UGT8: variants seen among roughly 807,000 people sequenced by gnomAD.
UGT8 encodes the protein 2-hydroxyacylsphingosine 1-beta-galactosyltransferase.
In UGT8, 12 loss-of-function variants were observed where a neutral mutation model predicts 40.5. That is an observed-to-expected ratio of 0.30 (90% CI 0.19 to 0.48). The LOEUF is 0.48. Among genes scored for constraint, UGT8 ranks in the 20% least tolerant of loss-of-function variants. UGT8 has a pLI of 0.99. For missense variants in UGT8, 513 were observed against 648.7 expected, an observed-to-expected ratio of 0.79 and a Z score of 2.27; for synonymous variants, 224 against 240.4, an observed-to-expected ratio of 0.93 and a Z score of 0.63.
intron 2 of UGT8, among the ~76,000 whole-genome samples, chr4:114,654,428 C>T (rs1274614515): frequency 6.6e-6 from 1 of 151,962 alleles, no homozygotes; most frequent in African/African-American, 2.4e-5. Context: ...ACCCTAGTAA[C>T]GTTTAAGCAA....
chr4:114,671,755 C>T (rs1454988751), intron 5 of UGT8, among the ~76,000 whole-genome samples: 1 of 152,206 alleles, frequency 6.6e-6, no homozygotes, highest in African/African-American at 2.4e-5. Context: ...CCATTCAGGA[C>T]ATAGGCATGG....
At chr4:114,642,261 A>T (rs1733272434) in intron 2 of UGT8, among the ~76,000 whole-genome samples, 1 of 151,712 alleles carries the variant, frequency 6.6e-6, no homozygotes, top group Non-Finnish European at 1.5e-5. Flanking sequence ...GGACTTTCTG[A>T]GTCTTCTGTT....
At chr4:114,654,925 C>A (rs561831770) in intron 2 of UGT8, among the ~76,000 whole-genome samples, 1 of 152,066 alleles carries the variant, frequency 6.6e-6, no homozygotes, top group Admixed American at 6.6e-5. Flanking sequence ...TGGGAACATA[C>A]AGTCTGCCAC....
At chr4:114,663,971 T>G in intron 2 of UGT8, 24 bp from the exon 3 acceptor site, 1 of 1,613,064 alleles carries the variant, frequency 6.2e-7, no homozygotes, top group Non-Finnish European at 8.5e-7. Flanking sequence ...TTCGTAAAAC[T>G]TACTGCCATG....
At chr4:114,609,677 TG>T (rs1419805360) in intron 1 of UGT8, among the ~76,000 whole-genome samples, 2 of 152,134 alleles carry the variant, frequency 1.3e-5, no homozygotes, top group African/African-American at 4.8e-5. Context: ...CAGTAGGATT[TG>T]GTTGTTTGTC....
intron 2 of UGT8, among the ~76,000 whole-genome samples, chr4:114,648,675 A>G (rs1733726633): frequency 6.6e-6 from 1 of 152,236 alleles, no homozygotes; most frequent in Non-Finnish European, 1.5e-5. Context: ...AATGACCAGC[A>G]ACTACAAAGT....
intron 2 of UGT8, among the ~76,000 whole-genome samples, chr4:114,660,797 A>G (rs1015494310): frequency 1.1e-4 from 17 of 151,620 alleles, no homozygotes; most frequent in Non-Finnish European, 1.9e-4. Flanking sequence ...AGGCTGAGCC[A>G]GGAGAAAGGC....
intron 3 of UGT8, among the ~76,000 whole-genome samples, chr4:114,664,899 A>T (rs186732342): frequency 1.6e-4 from 25 of 152,226 alleles, no homozygotes; most frequent in Admixed American, 1.4e-3. Context: ...AGTAATAGAG[A>T]TTTTCCCTTT....
intron 1 of UGT8, among the ~76,000 whole-genome samples, chr4:114,617,665 A>G (rs1254571427): frequency 6.6e-6 from 1 of 152,234 alleles, no homozygotes; most frequent in African/African-American, 2.4e-5. Flanking sequence ...ACTAGTGGCT[A>G]CTGTTAAATG....
chr4:114,611,761 A>G (rs527974032), intron 1 of UGT8, among the ~76,000 whole-genome samples: 1 of 151,904 alleles, frequency 6.6e-6, no homozygotes, highest in Admixed American at 6.6e-5. Flanking sequence ...TTTTAATACC[A>G]CTGTTTTCTT....
chr4:114,622,815 A>ATTTTTGCT, intron 1 of UGT8, 64 bp from the exon 2 acceptor site: 2 of 1,413,154 alleles, frequency 1.4e-6, no homozygotes, highest in South Asian at 2.9e-5. Context: ...ATGCTTTGTG[A>ATTTTTGCT]TTGCTTGTTT....
intron 1 of UGT8, among the ~76,000 whole-genome samples, chr4:114,617,658 A>G (rs1301104331): frequency 6.6e-6 from 1 of 152,188 alleles, no homozygotes; most frequent in African/African-American, 2.4e-5. Context: ...GAGAATCACT[A>G]GTGGCTACTG....
At chr4:114,622,002 G>A (rs1488767468) in intron 1 of UGT8, among the ~76,000 whole-genome samples, 1 of 151,924 alleles carries the variant, frequency 6.6e-6, no homozygotes, top group African/African-American at 2.4e-5. Context: ...TGTGCACAAT[G>A]TGCAGGTTAG....
At chr4:114,603,779 TCA>T (rs1730578079) in intron 1 of UGT8, among the ~76,000 whole-genome samples, 1 of 152,110 alleles carries the variant, frequency 6.6e-6, no homozygotes, top group Non-Finnish European at 1.5e-5. Context: ...ATAAAATCTA[TCA>T]AGCACAATGC....
At chr4:114,650,877 T>A (rs1250908980) in intron 2 of UGT8, among the ~76,000 whole-genome samples, 1 of 152,082 alleles carries the variant, frequency 6.6e-6, no homozygotes. Flanking sequence ...GATATGCAAG[T>A]TTTTTTCTAT....
chr4:114,636,758 C>T (rs1732911987), intron 2 of UGT8, among the ~76,000 whole-genome samples: 2 of 152,094 alleles, frequency 1.3e-5, no homozygotes, highest in African/African-American at 4.8e-5. Context: ...CTTTGTTTTA[C>T]CCTACATTGG....
Position 114,665,732 on chromosome 4 carries a change from T to C in UGT8, c.1018T>C (p.Trp340Arg), listed in dbSNP as rs1325497481. ...NLGNNTKLIEWLPQNDLLGHS... is the reference protein window; with the variant it reads ...NLGNNTKLIERLPQNDLLGHS... ...AGGAAACAACACTAAACTCATAGAA[T>C]GGTTACCACAAAATGACCTGCTTGG... Residue 340 changes from tryptophan to arginine, a missense_variant, in exon 4 of 6, where the codon TGG (tryptophan) becomes CGG (arginine). By Grantham distance (101) the Trp-to-Arg change is moderately radical (BLOSUM62 -3). Transcript: ENST00000310836. The C allele has an allele frequency of 6.2e-7, 1 of 1,610,332 alleles. No individual in the cohort carries two copies. The highest frequency in any genetic ancestry group is 8.5e-7 in the Non-Finnish European group (1 of 1,178,662).
intron 2 of UGT8, among the ~76,000 whole-genome samples, chr4:114,626,889 A>G (rs536280477): frequency 3.3e-5 from 5 of 152,358 alleles, no homozygotes; most frequent in African/African-American, 1.2e-4. Flanking sequence ...ATGAAACCAT[A>G]TGGACTCTTA....
rs77159374 is a variant in UGT8 at position 114,630,310 on chromosome 4, C to T, written c.822+6608C>T. 7.6e-3 allele frequency among the ~76,000 whole-genome samples: 1,156 copies of T among 152,240 alleles called. 17 individuals are homozygous for T. The highest frequency in any genetic ancestry group is 0.026 in the African/African-American group (1,069 of 41,520). ...CCTGACTTTTAGTCTTATCTTCATA[C>T]GACTCTTTTGGTTAAAGGAATCAGC... is the stretch of plus-strand genomic sequence containing the variant. On this transcript the variant is annotated intron_variant, in intron 2 of 5. Transcript: ENST00000310836.
Sources: allele counts gnomAD v4.1 joint callset (sites outside exome capture counted in the v4.1 genomes callset), GRCh38; gene constraint gnomAD v4.1.1; transcripts MANE v1.5; gene names NCBI Gene and HGNC (gene_info 2026-07-23, HGNC 2026-07-21).